The following ANKDD1B variants were observed in gnomAD, a reference collection of about 807,000 sequenced individuals.
ANKDD1B encodes the protein ankyrin repeat and death domain-containing protein 1B.
Under a neutral mutation model 59.7 loss-of-function variants are expected in ANKDD1B, and 57 were observed. The ratio of observed to expected loss-of-function variants is 0.95; its 90% CI spans 0.77 to 1.19. ANKDD1B has a LOEUF of 1.19. Ranked by LOEUF, ANKDD1B falls within the 50% of genes most tolerant of loss-of-function variation. The pLI is 0.00. For synonymous variants in ANKDD1B, 216 were observed against 239.5 expected (o/e 0.90, Z 0.91); for missense variants, 602 against 641.9 (o/e 0.94, Z 0.67).
intron 8 of ANKDD1B, among the ~76,000 whole-genome samples, chr5:75,653,826 A>T (rs975448254): frequency 1.3e-5 from 2 of 152,200 alleles, no homozygotes; most frequent in South Asian, 4.1e-4. Flanking sequence ...GTATTAACTC[A>T]AGAGGAGGGA....
chr5:75,637,240 C>CAAAAAAAAAAAAAAAAAAAAAAAAAAA (rs55640131), intron 7 of ANKDD1B, among the ~76,000 whole-genome samples: 9 of 69,936 alleles, frequency 1.3e-4, no homozygotes, highest in East Asian at 4.6e-4. Context: ...GACTCTGTCT[C>CAAAAAAAAAAAAAAAAAAAAAAAAAAA]AAAAAAAAAA....
In ANKDD1B at chr5:75,616,795, T is replaced by C; in HGVS notation, c.194-9T>C. 6.9e-7 allele frequency: 1 copy of C among 1,439,430 alleles called. No individual in the cohort carries two copies. Among genetic ancestry groups the C allele is most frequent in the Non-Finnish European group, 9.4e-7 (1 of 1,063,754 alleles). 89.2% of individuals were successfully genotyped at this position (1,439,430 alleles called of 1,614,324 possible). On this transcript the variant is annotated splice_polypyrimidine_tract_variant and intron_variant, in intron 1 of 13. Coordinates refer to ENST00000601380, the MANE Select transcript of ANKDD1B (RefSeq NM_001276713.2). ...TTCCCTCAGTCATGCTTGCTTTGCTTTCTTTCAGTACTCCCAAATGAGAGA... is the reference window on the plus strand; with the variant it reads ...TTCCCTCAGTCATGCTTGCTTTGCTCTCTTTCAGTACTCCCAAATGAGAGA...
intron 3 of ANKDD1B, 90 bp from the exon 4 acceptor site, chr5:75,625,557 C>T (rs540303796): frequency 2.2e-6 from 2 of 904,540 alleles, no homozygotes; most frequent in African/African-American, 3.3e-5. Flanking sequence ...TTTCAACAAT[C>T]TAGTATTAAT....
At chr5:75,637,600 C>T (rs1774352329) in intron 7 of ANKDD1B, among the ~76,000 whole-genome samples, 1 of 152,112 alleles carries the variant, frequency 6.6e-6, no homozygotes, top group Admixed American at 6.5e-5. Flanking sequence ...TTAACTATGA[C>T]AAAAAACTTT....
chr5:75,654,516 A>T (rs1476803715), intron 8 of ANKDD1B, among the ~76,000 whole-genome samples: 2 of 152,104 alleles, frequency 1.3e-5, no homozygotes, highest in East Asian at 1.9e-4. Flanking sequence ...CCCCATCTCT[A>T]CAAAAATTTA....
chr5:75,651,496 T>C (rs570276092), intron 7 of ANKDD1B, among the ~76,000 whole-genome samples: 5 of 152,148 alleles, frequency 3.3e-5, no homozygotes, highest in Non-Finnish European at 7.3e-5. Context: ...GGAGAGGCGC[T>C]GAAAGGGCCG....
Position 75,648,208 on chromosome 5 carries a change from T to C in ANKDD1B, c.799-4934T>C, listed in dbSNP as rs187815684. Among the ~76,000 whole-genome samples the C allele has an allele frequency of 7.7e-3, 863 of 112,422 alleles. 15 individuals are homozygous for C. The highest frequency in any genetic ancestry group is 0.03 in the African/African-American group (802 of 26,578). 73.8% of individuals were successfully genotyped at this position (112,422 alleles called of 152,430 possible). A position where few individuals can be genotyped will look rare whatever the true frequency, so the allele number is the denominator to read the frequency against. On this transcript the variant is annotated intron_variant, in intron 7 of 13. Coordinates refer to ENST00000601380, the MANE Select transcript of ANKDD1B (RefSeq NM_001276713.2). ...CATGGCACATGTATACATATGTAAC[T>C]AACCTGCACAATGTGCACATGTACC...
chr5:75,637,513 T>G (rs1056182101), intron 7 of ANKDD1B, among the ~76,000 whole-genome samples: 64 of 152,162 alleles, frequency 4.2e-4, no homozygotes, highest in Admixed American at 1.3e-4. Flanking sequence ...AGTATCATAA[T>G]CATTTACCTT....
intron 7 of ANKDD1B, among the ~76,000 whole-genome samples, chr5:75,649,247 T>A (rs1355810354): frequency 6.6e-6 from 1 of 151,656 alleles, no homozygotes; most frequent in African/African-American, 2.4e-5. Context: ...CTTTTTGCAA[T>A]TATTTGGCTA....
intron 3 of ANKDD1B, among the ~76,000 whole-genome samples, chr5:75,625,350 T>C (rs1773962028): frequency 6.6e-6 from 1 of 152,240 alleles, no homozygotes; most frequent in African/African-American, 2.4e-5. Flanking sequence ...TAAGAGACTA[T>C]ACATTATAGT....
intron 1 of ANKDD1B, among the ~76,000 whole-genome samples, chr5:75,615,684 G>T (rs1773697980): frequency 6.6e-6 from 1 of 151,790 alleles, no homozygotes; most frequent in Non-Finnish European, 1.5e-5. Context: ...GTGTGTGTGT[G>T]TGTGTGTGTG....
At chr5:75,666,728 C>T in intron 11 of ANKDD1B, 64 bp from the exon 12 acceptor site, 2 of 1,222,110 alleles carry the variant, frequency 1.6e-6, no homozygotes, top group Non-Finnish European at 2.3e-6. Context: ...AACATATATA[C>T]TCTGAAATAA....
chr5:75,618,684 G>T (rs1581128621), intron 2 of ANKDD1B, among the ~76,000 whole-genome samples: 1 of 152,266 alleles, frequency 6.6e-6, no homozygotes, highest in East Asian at 1.9e-4. Flanking sequence ...GCCCATATTT[G>T]ACATAGTAGA....
At chr5:75,626,310 A>G (rs1046973866) in intron 5 of ANKDD1B, among the ~76,000 whole-genome samples, 1 of 152,234 alleles carries the variant, frequency 6.6e-6, no homozygotes, top group African/African-American at 2.4e-5. Flanking sequence ...TATTTGACCC[A>G]AAGCTATACA....
At position 75,666,789 on chromosome 5, in the gene ANKDD1B, TAGG is replaced by T; in HGVS notation, c.1192_1194del (p.Glu398del). On this transcript the variant is annotated splice_acceptor_variant and coding_sequence_variant, in exon 12 of 14. Coordinates refer to ENST00000601380, the MANE Select transcript of ANKDD1B (RefSeq NM_001276713.2). LOFTEE classifies it high-confidence loss of function. ...TCTTCTGATACAATTATTTTCACTT[TAGG>T]AGCATCATGAGAGCATCAGGGACCC... 6.5e-7 allele frequency: 1 copy of T among 1,529,806 alleles called. No homozygotes were observed. The highest frequency in any genetic ancestry group is 8.8e-7 in the Non-Finnish European group (1 of 1,141,292). The allele number at this position is 1,529,806 out of a possible 1,614,324, so 94.8% of individuals were successfully genotyped here. A position where few individuals can be genotyped will look rare whatever the true frequency, so the allele number is the denominator to read the frequency against.
At chr5:75,653,749 A>T (rs1052398962) in intron 8 of ANKDD1B, among the ~76,000 whole-genome samples, 7 of 151,948 alleles carry the variant, frequency 4.6e-5, no homozygotes, top group African/African-American at 1.7e-4. Context: ...CTATTTTTCC[A>T]CTCTATTTTC....
At chr5:75,652,996 C>T (rs1675936368) in intron 7 of ANKDD1B, 146 bp from the exon 8 acceptor site, 1 of 644,924 alleles carries the variant, frequency 1.6e-6, no homozygotes, top group South Asian at 1.8e-5. Context: ...CACTTCAAGT[C>T]TGTCATTGAC....
chr5:75,622,260 A>T (rs891788693), intron 3 of ANKDD1B, among the ~76,000 whole-genome samples: 1 of 152,244 alleles, frequency 6.6e-6, no homozygotes, highest in Non-Finnish European at 1.5e-5. Context: ...CAGGACTTGA[A>T]GCATGCACAT....
intron 3 of ANKDD1B, 111 bp from the exon 4 acceptor site, chr5:75,625,535 CT>C: frequency 1.3e-6 from 1 of 775,820 alleles, no homozygotes; most frequent in Non-Finnish European, 2.0e-6. Flanking sequence ...ATTAAATTCT[CT>C]ATTTCTTAGT....
Sources: gnomAD v4.1 joint callset for allele counts (sites outside exome capture counted in the v4.1 genomes callset) on GRCh38, gnomAD v4.1.1 for gene constraint, MANE v1.5 for transcripts, NCBI Gene and HGNC (gene_info 2026-07-23, HGNC 2026-07-21) for gene names.